Variants in NTRK3 observed in about 807,000 individuals in gnomAD.
NTRK3 encodes neurotrophic receptor tyrosine kinase 3.
A neutral mutation model predicts 91.7 loss-of-function variants in NTRK3; 24 were observed. The ratio of observed to expected loss-of-function variants is 0.26; its 90% CI spans 0.19 to 0.37. The LOEUF (loss-of-function observed/expected upper bound fraction) is 0.37. Ranked by LOEUF, NTRK3 falls within the 10% of genes least tolerant of loss-of-function variation. The pLI is 1.00. For synonymous variants in NTRK3, 483 were observed against 404.0 expected (o/e 1.20, Z -2.34); for missense variants, 880 against 1,068.9 (o/e 0.82, Z 2.46).
At chr15:88,184,241 T>G in exon 4 of NTRK3, 1 of 1,614,088 alleles carries the variant, frequency 6.2e-7, no homozygotes, top group South Asian at 1.1e-5. Flanking sequence ...TGAAGTCCGG[T>G]GTAGAGCTCC....
At chr15:87,930,018 C>A (rs889343553) in intron 16 of NTRK3, among the ~76,000 whole-genome samples, 2 of 152,132 alleles carry the variant, frequency 1.3e-5, no homozygotes, top group East Asian at 3.9e-4. Flanking sequence ...GGCCCTGCCC[C>A]CTAGGATTCT....
At chr15:88,147,253 G>A in intron 6 of NTRK3, 82 bp downstream of exon 6, 3 of 1,289,648 alleles carry the variant, frequency 2.3e-6, no homozygotes, top group East Asian at 2.3e-5. Flanking sequence ...CAGCCTTCAG[G>A]TGGTTCCACT....
chr15:88,134,766 C>G (rs1196142727), intron 10 of NTRK3, among the ~76,000 whole-genome samples: 1 of 152,198 alleles, frequency 6.6e-6, no homozygotes, highest in Non-Finnish European at 1.5e-5. Flanking sequence ...GAAAAGCAAA[C>G]TATCAGGCCC....
chr15:88,143,853 T>C (rs1346627602), intron 6 of NTRK3: 3 of 152,210 alleles, frequency 2.0e-5, no homozygotes, highest in Non-Finnish European at 4.4e-5. Context: ...CAAATGATAC[T>C]AGAGGTAATT....
At chr15:88,090,423 A>G (rs534947540) in intron 13 of NTRK3, among the ~76,000 whole-genome samples, 3 of 138,326 alleles carry the variant, frequency 2.2e-5, no homozygotes, top group African/African-American at 5.9e-5. Context: ...AGGAAGGGAG[A>G]AAGGACAGCG....
intron 6 of NTRK3, among the ~76,000 whole-genome samples, chr15:88,138,170 G>A (rs556424304): frequency 1.4e-4 from 22 of 152,304 alleles, no homozygotes; most frequent in East Asian, 9.7e-4. Flanking sequence ...TTGGGAGGCC[G>A]AGGTGGGAGG....
intron 11 of NTRK3, 142 bp downstream of exon 11, chr15:88,128,569 T>G (rs1442303451): frequency 1.1e-6 from 1 of 881,426 alleles, no homozygotes; most frequent in Non-Finnish European, 1.9e-6. Flanking sequence ...ACCCTTCATT[T>G]CCCTTTCACA....
intron 6 of NTRK3, among the ~76,000 whole-genome samples, chr15:88,141,639 A>T (rs186442090): frequency 2.0e-5 from 3 of 152,376 alleles, no homozygotes; most frequent in South Asian, 2.1e-4. Context: ...TAGACAGGCG[A>T]GGGGCTTGGC....
chr15:88,145,103 C>A (rs1164123854), intron 6 of NTRK3, among the ~76,000 whole-genome samples: 1 of 152,196 alleles, frequency 6.6e-6, no homozygotes. Flanking sequence ...CTCCATCGAG[C>A]AGACCCTGGC....
At chr15:87,964,274 G>A (rs1349071245) in intron 14 of NTRK3, among the ~76,000 whole-genome samples, 1 of 151,904 alleles carries the variant, frequency 6.6e-6, no homozygotes, top group East Asian at 1.9e-4. Flanking sequence ...GTAAAAAAGG[G>A]GAGTGCTCTC....
intron 14 of NTRK3, among the ~76,000 whole-genome samples, chr15:87,952,150 G>GAA (rs2071174958): frequency 2.2e-5 from 3 of 136,842 alleles, no homozygotes; most frequent in African/African-American, 8.4e-5. Context: ...GAAAAGAAAA[G>GAA]AAGGAGAAAG....
chr15:88,089,827 C>T (rs947613411), intron 13 of NTRK3, among the ~76,000 whole-genome samples: 1 of 152,182 alleles, frequency 6.6e-6, no homozygotes, highest in South Asian at 2.1e-4. Flanking sequence ...CTGCTCATGC[C>T]CTCCCCTGCG....
intron 13 of NTRK3, among the ~76,000 whole-genome samples, chr15:88,097,591 C>G (rs866482277): frequency 3.3e-5 from 5 of 152,160 alleles, no homozygotes; most frequent in Non-Finnish European, 7.3e-5. Flanking sequence ...GGAAAACATA[C>G]ATACAAAGAT....
At chr15:88,127,078 T>C in intron 12 of NTRK3, 84 bp downstream of exon 12, 1 of 1,196,944 alleles carries the variant, frequency 8.4e-7, no homozygotes, top group Non-Finnish European at 1.2e-6. Flanking sequence ...AGTAAGATAA[T>C]ATTTGGAAAA....
intron 5 of NTRK3, among the ~76,000 whole-genome samples, chr15:88,172,366 C>A (rs536526030): frequency 6.6e-6 from 1 of 152,042 alleles, no homozygotes; most frequent in African/African-American, 2.4e-5. Context: ...GAGATGTGAA[C>A]AAATGGGAGG....
At position 88,158,167 on chromosome 15, in the gene NTRK3, G is replaced by A. The variant is rs566708321; in HGVS notation, c.396-10764C>T. 1.2e-4 allele frequency among the ~76,000 whole-genome samples: 19 copies of A among 152,338 alleles called. No homozygotes were observed. The South Asian group carries it at 3.5e-3, about 28-fold the overall frequency. ...TGTGGTGAGGATTAAATGGGGTATGGACGGCAGCTGACACAGTGCCTCATC... is the reference window on the plus strand; with the variant it reads ...TGTGGTGAGGATTAAATGGGGTATGAACGGCAGCTGACACAGTGCCTCATC... On this transcript the variant is annotated intron_variant, in intron 5 of 18. Transcript: ENST00000394480.
At chr15:88,226,900 G>C (rs967975521) in intron 3 of NTRK3, among the ~76,000 whole-genome samples, 23 of 152,262 alleles carry the variant, frequency 1.5e-4, no homozygotes, top group African/African-American at 5.5e-4. Context: ...CTGAGGCTCA[G>C]AGAGGTTAAG....
chr15:88,204,158 A>G (rs1418898748), intron 3 of NTRK3, among the ~76,000 whole-genome samples: 1 of 152,136 alleles, frequency 6.6e-6, no homozygotes, highest in Non-Finnish European at 1.5e-5. Context: ...TGTGTTAGTC[A>G]AGCAAAGGTA....
chr15:88,052,462 G>A (rs145858953), intron 13 of NTRK3, among the ~76,000 whole-genome samples: 1 of 152,346 alleles, frequency 6.6e-6, no homozygotes, highest in East Asian at 1.9e-4. Flanking sequence ...AGCACGCTAT[G>A]ACTCTAACTC....
Sources: gnomAD v4.1 joint callset for allele counts (sites outside exome capture counted in the v4.1 genomes callset) on GRCh38, gnomAD v4.1.1 for gene constraint, MANE v1.5 for transcripts, NCBI Gene and HGNC (gene_info 2026-07-23, HGNC 2026-07-21) for gene names.